The following ELF1 variants were observed in gnomAD, a reference collection of about 807,000 sequenced individuals.
The protein encoded by ELF1 is E74 like ETS transcription factor 1, also known as ETS-related transcription factor Elf-1.
In ELF1, 24 loss-of-function variants were observed where a neutral mutation model predicts 59.9. The observed-to-expected ratio is 0.40, with a 90% CI of 0.29 to 0.56. The LOEUF is 0.56. Ranked by LOEUF, ELF1 falls within the 20% of genes least tolerant of loss-of-function variation. The pLI is 0.44. For synonymous variants in ELF1, 248 were observed against 266.2 expected (o/e 0.93, Z 0.67); for missense variants, 627 against 742.2 (o/e 0.84, Z 1.80).
chr13:40,993,841 G>C lies in ELF1; in HGVS notation c.-228-11559C>G, dbSNP rs562772472. The stretch of plus-strand genomic sequence containing the variant: ...ATTGAGGGGGAGTAAGCAGAGGGAA[G>C]TGCCCAGGACGTTATCAAAAGTATA... On this transcript the variant is annotated intron_variant, in intron 1 of 8. Transcript: ENST00000239882. Among the ~76,000 whole-genome samples the C allele has an allele frequency of 2.0e-5, 3 of 152,020 alleles. No individual in the cohort carries two copies. In the East Asian group the frequency reaches 5.8e-4, roughly 29 times the overall value.
At chr13:41,047,384 CT>C (rs1876895054) in intron 1 of ELF1, among the ~76,000 whole-genome samples, 1 of 152,176 alleles carries the variant, frequency 6.6e-6, no homozygotes, top group Non-Finnish European at 1.5e-5. Flanking sequence ...TTTTTCTGCT[CT>C]GTTTTTTCCC....
intron 2 of ELF1, among the ~76,000 whole-genome samples, chr13:40,978,036 C>G (rs1225839232): frequency 6.6e-6 from 1 of 152,062 alleles, no homozygotes; most frequent in Non-Finnish European, 1.5e-5. Context: ...TCACATCATA[C>G]AAAAATAAAC....
intron 3 of ELF1, among the ~76,000 whole-genome samples, chr13:40,952,547 A>G (rs183664016): frequency 1.6e-3 from 237 of 151,926 alleles, no homozygotes; most frequent in African/African-American, 5.5e-3. Context: ...ATTTTTTTAG[A>G]GACAGGGTCC....
chr13:40,949,916 A>G lies in ELF1; in HGVS notation c.419T>C (p.Val140Ala). Residue 140 changes from valine to alanine, a missense_variant, in exon 5 of 9, where the codon GTG becomes GCG. Around this residue, in one of 3 missense-constraint regions of ELF1, gnomAD observed 232 missense variants for 269.2 expected, o/e 0.86. Coordinates refer to ENST00000239882, the MANE Select transcript of ELF1 (RefSeq NM_172373.4). ...DDMVVAPVTH[V>A]SVTLDGIPEV... is the part of the protein sequence containing the mutation. ...AGGAATCCCATCTAATGTGACGGAC[A>G]CATGGGTGACTGGGGCAACAACCAT... 1.2e-6 allele frequency: 2 copies of G among 1,614,100 alleles called. No individual in the cohort carries two copies. Among genetic ancestry groups the G allele is most frequent in the Non-Finnish European group, 1.7e-6 (2 of 1,179,974 alleles).
chr13:41,061,319 G>T (rs576547253), exon 1 of ELF1: 3 of 396,268 alleles, frequency 7.6e-6, no homozygotes, highest in African/African-American at 2.1e-5. Context: ...ACACAGAGAC[G>T]GCGGGATGGC....
intron 1 of ELF1, among the ~76,000 whole-genome samples, chr13:41,060,387 G>C (rs1354395588): frequency 6.6e-6 from 1 of 152,254 alleles, no homozygotes; most frequent in Non-Finnish European, 1.5e-5. Context: ...GCGCTGGGAG[G>C]AGATAACGCA....
chr13:40,938,137 T>G (rs1182550893), intron 8 of ELF1, among the ~76,000 whole-genome samples: 1 of 152,090 alleles, frequency 6.6e-6, no homozygotes, highest in Non-Finnish European at 1.5e-5. Flanking sequence ...ATTTAAAAGA[T>G]CCTAAGAAAA....
rs372879713 is a variant in ELF1, at chr13:41,045,367, TTTAA to T, written c.-229+15467_-229+15470del. Among the ~76,000 whole-genome samples, 358 of 152,330 alleles carry T rather than the reference TTTAA, an allele frequency of 2.4e-3. 8 individuals carry two copies. In the East Asian group the frequency reaches 0.028, roughly 12 times the overall value. ...TGTTTGCTCTTGCTTCTCTAGTTCTTTTAATTGTGATGTTAGGGTGTCAATTTTA... is the reference window on the plus strand; with the variant it reads ...TGTTTGCTCTTGCTTCTCTAGTTCTTTTGTGATGTTAGGGTGTCAATTTTA... On this transcript the variant is annotated intron_variant, in intron 1 of 1. Transcript: ENST00000405737.
intron 1 of ELF1, among the ~76,000 whole-genome samples, chr13:40,995,537 G>T (rs1182621574): frequency 1.3e-5 from 2 of 151,990 alleles, no homozygotes; most frequent in African/African-American, 2.4e-5. Context: ...CAATGGAACA[G>T]AATAGAGAGC....
intron 5 of ELF1, among the ~76,000 whole-genome samples, chr13:40,946,396 C>A (rs1013785819): frequency 6.6e-6 from 1 of 152,156 alleles, no homozygotes; most frequent in Non-Finnish European, 1.5e-5. Flanking sequence ...ATCCTTACAT[C>A]TCGCCCTTCC....
At chr13:40,950,499 T>C (rs1288821769) in intron 4 of ELF1, among the ~76,000 whole-genome samples, 1 of 152,098 alleles carries the variant, frequency 6.6e-6, no homozygotes, top group African/African-American at 2.4e-5. Flanking sequence ...TTCATTTTTT[T>C]TTTAACAGAT....
At chr13:41,031,982 C>T (rs1452324707) in intron 1 of ELF1, among the ~76,000 whole-genome samples, 2 of 151,932 alleles carry the variant, frequency 1.3e-5, no homozygotes, top group Non-Finnish European at 1.5e-5. Context: ...AGAAATACTA[C>T]ACTAACATTC....
chr13:40,972,156 T>C (rs1872584429), intron 2 of ELF1, among the ~76,000 whole-genome samples: 1 of 152,094 alleles, frequency 6.6e-6, no homozygotes, highest in African/African-American at 2.4e-5. Context: ...TTATACAATA[T>C]GTACACAGCA....
intron 2 of ELF1, among the ~76,000 whole-genome samples, chr13:40,977,787 C>T (rs907827752): frequency 8.6e-5 from 13 of 152,046 alleles, no homozygotes; most frequent in African/African-American, 2.4e-4. Context: ...GATATCCTAT[C>T]GGATATCAAA....
At chr13:40,963,550 G>A (rs975170597) in intron 2 of ELF1, among the ~76,000 whole-genome samples, 3 of 152,200 alleles carry the variant, frequency 2.0e-5, no homozygotes, top group African/African-American at 7.2e-5. Context: ...TTCATCTCTC[G>A]TTTCCCCAGG....
chr13:41,060,882 C>T (rs574869414), exon 1 of ELF1: 53 of 343,060 alleles, frequency 1.5e-4, no homozygotes, highest in South Asian at 1.1e-3. Flanking sequence ...CACCTCTCGC[C>T]ACCGCCGCCT....
chr13:41,049,793 C>T (rs1877007820), intron 1 of ELF1, among the ~76,000 whole-genome samples: 1 of 152,216 alleles, frequency 6.6e-6, no homozygotes, highest in Admixed American at 6.5e-5. Flanking sequence ...CCCTGCCATG[C>T]GTGTACACTT....
chr13:40,994,505 T>G (rs6560967), intron 1 of ELF1, among the ~76,000 whole-genome samples: 28,905 of 151,610 alleles, frequency 0.19, 3,848 homozygotes, highest in African/African-American at 0.36. Context: ...TACCTAGGCA[T>G]GGTGGGGGGG....
chr13:40,982,533 T>C (rs1411687605), intron 1 of ELF1, among the ~76,000 whole-genome samples: 2 of 149,358 alleles, frequency 1.3e-5, no homozygotes, highest in African/African-American at 5.0e-5. Context: ...TAAACTACTG[T>C]TAAAAGTACT....
Sources: gnomAD v4.1 joint callset for allele counts (sites outside exome capture counted in the v4.1 genomes callset) on GRCh38, gnomAD v4.1.1 for gene constraint, gnomAD v4.1.1 regional missense constraint, MANE v1.5 for transcripts, NCBI Gene and HGNC (gene_info 2026-07-23, HGNC 2026-07-21) for gene names.